HLCS: variants seen among roughly 807,000 people sequenced by gnomAD.
HLCS encodes holocarboxylase synthetase, also known as biotin--protein ligase.
HLCS carries 53 observed loss-of-function variants against 75.0 expected under a neutral mutation model. The ratio of observed to expected loss-of-function variants is 0.71; its 90% confidence interval spans 0.57 to 0.89. HLCS has a LOEUF of 0.89. Ranked by LOEUF, HLCS falls within the 40% of genes least tolerant of loss-of-function variation. The pLI, the probability that HLCS is intolerant of heterozygous loss-of-function variation, is 0.00. For missense variants in HLCS, 966 were observed against 1,074.0 expected (o/e 0.90, Z 1.41); for synonymous variants, 431 against 428.6 (o/e 1.01, Z -0.07).
intron 6 of HLCS, among the ~76,000 whole-genome samples, chr21:36,855,363 T>C (rs1421505284): frequency 2.1e-5 from 3 of 144,930 alleles, no homozygotes; most frequent in Non-Finnish European, 4.5e-5. Flanking sequence ...AAACCCTGTG[T>C]CTACTAAAAA....
chr21:36,861,469 G>C (rs1340326443), intron 6 of HLCS, among the ~76,000 whole-genome samples: 1 of 152,110 alleles, frequency 6.6e-6, no homozygotes, highest in East Asian at 1.9e-4. Flanking sequence ...CAGAGGTTTG[G>C]TGTACAGACC....
At chr21:36,849,335 G>T (rs915204880) in intron 6 of HLCS, among the ~76,000 whole-genome samples, 2 of 152,218 alleles carry the variant, frequency 1.3e-5, no homozygotes, top group Admixed American at 6.5e-5. Context: ...TATACATATA[G>T]ATTTTACTTG....
intron 1 of HLCS, among the ~76,000 whole-genome samples, chr21:36,989,381 C>T (rs1332181908): frequency 4.9e-5 from 7 of 141,860 alleles, no homozygotes; most frequent in African/African-American, 1.9e-4. Context: ...TGGAGTGCAG[C>T]GGTGCAATCT....
At chr21:36,952,008 A>G (rs2067691046) in intron 2 of HLCS, among the ~76,000 whole-genome samples, 1 of 152,218 alleles carries the variant, frequency 6.6e-6, no homozygotes, top group Non-Finnish European at 1.5e-5. Context: ...CCACAGATCA[A>G]AGCCATTTGA....
rs553269482 is a variant in HLCS, at chr21:36,855,379, A to T, written c.1892+41481T>A. On this transcript the variant is annotated intron_variant, in intron 6 of 10. Transcript: ENST00000674895. ...AACCCTGTGTCTACTAAAAATAAAAAAAAAAAAAATTAGCTGGGCCTGATG... is the reference window on the plus strand; with the variant it reads ...AACCCTGTGTCTACTAAAAATAAAATAAAAAAAAATTAGCTGGGCCTGATG... 1.6e-4 allele frequency among the ~76,000 whole-genome samples: 21 copies of T among 134,828 alleles called. No individual in the cohort carries two copies. The South Asian group carries it at 2.3e-3, about 15-fold the overall frequency. The allele number at this position is 134,828 out of a possible 152,430, so 88.5% of individuals were successfully genotyped here.
At chr21:36,869,491 G>C (rs2063698390) in intron 6 of HLCS, among the ~76,000 whole-genome samples, 2 of 152,152 alleles carry the variant, frequency 1.3e-5, no homozygotes, top group African/African-American at 2.4e-5. Context: ...CCAGAAAAGA[G>C]ATTTTCATTT....
intron 6 of HLCS, among the ~76,000 whole-genome samples, chr21:36,774,890 G>T (rs1428823085): frequency 6.6e-6 from 1 of 152,238 alleles, no homozygotes; most frequent in East Asian, 1.9e-4. Context: ...TGCCCAGGCA[G>T]ATAATAGAAC....
At chr21:36,756,441 A>C in intron 10 of HLCS, 101 bp downstream of exon 10, 1 of 719,652 alleles carries the variant, frequency 1.4e-6, no homozygotes, top group Non-Finnish European at 2.1e-6. Flanking sequence ...ACAGAGTGAG[A>C]CTCCGTCTCA....
chr21:36,858,387 T>A (rs760292024), intron 6 of HLCS, among the ~76,000 whole-genome samples: 1 of 152,198 alleles, frequency 6.6e-6, no homozygotes, highest in Non-Finnish European at 1.5e-5. Context: ...CCAAGCTTTG[T>A]TTCCAAGAGA....
intron 6 of HLCS, among the ~76,000 whole-genome samples, chr21:36,796,957 C>T (rs182104478): frequency 1.1e-4 from 16 of 151,986 alleles, no homozygotes; most frequent in African/African-American, 3.4e-4. Flanking sequence ...ACCTCCACCT[C>T]CCAGGTTCAA....
At chr21:36,840,757 C>T (rs749045285) in intron 6 of HLCS, among the ~76,000 whole-genome samples, 2 of 152,030 alleles carry the variant, frequency 1.3e-5, no homozygotes, top group South Asian at 2.1e-4. Context: ...GGATTACAGG[C>T]GCCCACCACC....
chr21:36,913,823 A>G (rs903713745), intron 5 of HLCS, among the ~76,000 whole-genome samples: 1 of 152,208 alleles, frequency 6.6e-6, no homozygotes, highest in Admixed American at 6.5e-5. Flanking sequence ...GCCTACTTAG[A>G]CAAGGCTGTG....
chr21:36,931,574 A>G (rs973484930), intron 4 of HLCS, among the ~76,000 whole-genome samples: 2 of 151,904 alleles, frequency 1.3e-5, no homozygotes, highest in African/African-American at 4.8e-5. Flanking sequence ...ACATAGTGAA[A>G]CCCTGTCTCT....
chr21:36,964,622 T>C (rs1297698441), intron 1 of HLCS, among the ~76,000 whole-genome samples: 2 of 152,214 alleles, frequency 1.3e-5, no homozygotes, highest in Non-Finnish European at 2.9e-5. Context: ...CAAAGCTTAC[T>C]GTGCAGAGTG....
At position 36,983,608 on chromosome 21, in the gene HLCS, C is replaced by T. The variant is rs558911596; in HGVS notation, c.-393+6550G>A. On this transcript the variant is annotated intron_variant, in intron 1 of 11. Coordinates refer to the HLCS transcript ENST00000336648. ...ATCCCAACACTTTGGGAGGCTGAGG[C>T]GGGCAGATCACGAGGTCAGGAGATC... Among the ~76,000 whole-genome samples the T allele has an allele frequency of 5.9e-5, 9 of 151,472 alleles. No individual in the cohort carries two copies. In the South Asian group the frequency reaches 1.3e-3, roughly 21 times the overall value.
At chr21:36,806,147 G>T (rs1056224354) in intron 6 of HLCS, 1 of 152,214 alleles carries the variant, frequency 6.6e-6, no homozygotes, top group Non-Finnish European at 1.5e-5. Context: ...GGGTCACATG[G>T]CTAAGCTGTA....
At chr21:36,907,493 TA>T (rs979231289) in intron 5 of HLCS, among the ~76,000 whole-genome samples, 3 of 152,094 alleles carry the variant, frequency 2.0e-5, no homozygotes, top group Admixed American at 6.5e-5. Context: ...CCATCTCTAC[TA>T]AAAATACAAA....
chr21:36,971,730 G>A (rs2068795323), intron 1 of HLCS: 1 of 151,390 alleles, frequency 6.6e-6, no homozygotes. Flanking sequence ...TCAGGAGGCT[G>A]AGCCAGGAGA....
At chr21:36,912,889 G>C (rs2065780607) in intron 5 of HLCS, among the ~76,000 whole-genome samples, 1 of 152,176 alleles carries the variant, frequency 6.6e-6, no homozygotes, top group Non-Finnish European at 1.5e-5. Context: ...GTATCACTAA[G>C]AGAGGCCACT....
Sources: gnomAD v4.1 joint callset for allele counts (sites outside exome capture counted in the v4.1 genomes callset) on GRCh38, gnomAD v4.1.1 for gene constraint, MANE v1.5 for transcripts, NCBI Gene and HGNC (gene_info 2026-07-23, HGNC 2026-07-21) for gene names.